The following NAV2 variants were observed in gnomAD, a reference collection of about 807,000 sequenced individuals.
The protein encoded by NAV2 is neuron navigator 2.
NAV2 carries 54 observed loss-of-function variants against 223.2 expected under a neutral mutation model. That is an observed-to-expected ratio of 0.24 (90% CI 0.19 to 0.30). The LOEUF (loss-of-function observed/expected upper bound fraction) is 0.30, where lower values mean the gene tolerates loss of function less well. Among genes scored for constraint, NAV2 ranks in the 10% least tolerant of loss-of-function variants. The pLI, the probability that NAV2 is intolerant of heterozygous loss-of-function variation, is 1.00. For synonymous variants in NAV2, 1,279 were observed against 1,239.3 expected (o/e 1.03, Z -0.67); for missense variants, 2,806 against 3,147.5 (o/e 0.89, Z 2.60).
intron 11 of NAV2, among the ~76,000 whole-genome samples, chr11:20,003,751 G>A (rs1355111588): frequency 6.6e-6 from 1 of 152,182 alleles, no homozygotes; most frequent in African/African-American, 2.4e-5. Flanking sequence ...GCCAGACCAG[G>A]GCTGTGGGCA....
chr11:19,619,495 T>C (rs986302745), intron 1 of NAV2, among the ~76,000 whole-genome samples: 1 of 152,220 alleles, frequency 6.6e-6, no homozygotes, highest in Non-Finnish European at 1.5e-5. Context: ...TTGATTTGCA[T>C]TTCTCTGATG....
intron 1 of NAV2, among the ~76,000 whole-genome samples, chr11:19,372,593 C>CT (rs1167058709): frequency 6.6e-5 from 10 of 152,156 alleles, no homozygotes; most frequent in African/African-American, 1.7e-4. Flanking sequence ...AGTGGGGTCT[C>CT]TAACACTGAG....
chr11:19,496,685 G>C (rs1310581212), intron 1 of NAV2, among the ~76,000 whole-genome samples: 2 of 152,162 alleles, frequency 1.3e-5, no homozygotes, highest in South Asian at 4.1e-4. Flanking sequence ...CTACACAAGG[G>C]CCTGAATGTT....
chr11:19,535,080 A>AT (rs141516208), intron 1 of NAV2, among the ~76,000 whole-genome samples: 1 of 152,034 alleles, frequency 6.6e-6, no homozygotes, highest in Non-Finnish European at 1.5e-5. Context: ...GCCAGTAGAG[A>AT]TTTTCCAAGC....
At position 20,068,192 on chromosome 11, in the gene NAV2, G is replaced by C; in HGVS notation, c.4891G>C (p.Glu1631Gln). 6.2e-7 allele frequency: 1 copy of C among 1,614,004 alleles called. No individual in the cohort carries two copies. Among genetic ancestry groups the C allele is most frequent in the Non-Finnish European group, 8.5e-7 (1 of 1,179,902 alleles). Residue 1631 changes from glutamate to glutamine, a missense_variant, in exon 21 of 38, where the codon GAA (glutamate) becomes CAA (glutamine). Physicochemically the swap from Glu to Gln is conservative, Grantham distance 29 (BLOSUM62 2). This residue lies in a region of NAV2 where 824 missense variants were observed against 1,069.4 expected (regional missense o/e 0.77). Transcript: ENST00000349880. ...STSSVYSTPE[E>Q]KCQSEIRKLR... ...CTTTATGTTTTCTTTACAGCCAGAA[G>C]AAAAATGCCAGTCAGAGGTAAGGAA...
At chr11:19,630,953 AAAAG>A (rs1004728881) in intron 1 of NAV2, among the ~76,000 whole-genome samples, 8 of 151,562 alleles carry the variant, frequency 5.3e-5, no homozygotes, top group Non-Finnish European at 8.8e-5. Context: ...AAAGAAAAAA[AAAAG>A]AAAGAGAAGG....
At chr11:19,938,847 T>A (rs1028077771) in intron 7 of NAV2, among the ~76,000 whole-genome samples, 1 of 152,220 alleles carries the variant, frequency 6.6e-6, no homozygotes, top group African/African-American at 2.4e-5. Flanking sequence ...TCCCCCGTGG[T>A]CCATTCTCAT....
intron 20 of NAV2, among the ~76,000 whole-genome samples, chr11:20,066,249 C>T (rs1240464619): frequency 6.6e-6 from 1 of 152,124 alleles, no homozygotes; most frequent in African/African-American, 2.4e-5. Context: ...AAAAATAGTG[C>T]CTGGCACACA....
chr11:19,513,032 G>T (rs1470304414), intron 1 of NAV2, among the ~76,000 whole-genome samples: 1 of 152,174 alleles, frequency 6.6e-6, no homozygotes. Flanking sequence ...CCCAGGCTGG[G>T]GCAGGGGCGG....
chr11:19,401,239 G>A (rs1849672304), intron 1 of NAV2, among the ~76,000 whole-genome samples: 1 of 152,116 alleles, frequency 6.6e-6, no homozygotes, highest in South Asian at 2.1e-4. Flanking sequence ...AGTGACTTAA[G>A]ACAAAAGCAT....
intron 1 of NAV2, among the ~76,000 whole-genome samples, chr11:19,474,489 T>A (rs1056959965): frequency 5.9e-5 from 9 of 152,178 alleles, no homozygotes; most frequent in Non-Finnish European, 1.3e-4. Flanking sequence ...AATGTATGGT[T>A]TATAAACAGG....
In NAV2 at chr11:19,635,074, G is replaced by C. The variant is rs1476855233; in HGVS notation, c.76-197410G>C. 2.0e-5 allele frequency among the ~76,000 whole-genome samples: 3 copies of C among 152,188 alleles called. No homozygotes were observed. In the East Asian group the frequency reaches 5.8e-4, roughly 29 times the overall value. Reference sequence around the variant, plus strand: ...GCTGGTGTTCCTGATTTCATTGTGTGACTCTGCCATCGTTTGGCTCCTTAG... The same window carrying C: ...GCTGGTGTTCCTGATTTCATTGTGTCACTCTGCCATCGTTTGGCTCCTTAG... On this transcript the variant is annotated intron_variant, in intron 1 of 37. Transcript: ENST00000360655.
At chr11:20,035,727 A>G (rs1564891975) in intron 11 of NAV2, among the ~76,000 whole-genome samples, 4 of 152,210 alleles carry the variant, frequency 2.6e-5, no homozygotes. Context: ...CACCCCTGCT[A>G]TGGAAGCACT....
chr11:19,527,186 C>T (rs760555390), intron 1 of NAV2, among the ~76,000 whole-genome samples: 2 of 152,002 alleles, frequency 1.3e-5, no homozygotes, highest in Non-Finnish European at 2.9e-5. Context: ...GGCAGTTTCC[C>T]CCATACTGTT....
At chr11:19,382,762 C>T (rs540355904) in intron 1 of NAV2, among the ~76,000 whole-genome samples, 44 of 152,254 alleles carry the variant, frequency 2.9e-4, no homozygotes, top group Admixed American at 2.8e-3. Context: ...TCCATTATTC[C>T]ACCCATTTTA....
chr11:19,473,392 T>A (rs1336581201), intron 1 of NAV2, among the ~76,000 whole-genome samples: 1 of 152,038 alleles, frequency 6.6e-6, no homozygotes, highest in African/African-American at 2.4e-5. Flanking sequence ...ATTATTAAAT[T>A]TATTTAAAAG....
intron 1 of NAV2, among the ~76,000 whole-genome samples, chr11:19,591,860 T>C (rs1312871589): frequency 6.6e-6 from 1 of 152,244 alleles, no homozygotes; most frequent in Non-Finnish European, 1.5e-5. Flanking sequence ...TTTCAGCATA[T>C]ACAGATGGCT....
intron 1 of NAV2, among the ~76,000 whole-genome samples, chr11:19,726,176 CA>C (rs1339904584): frequency 1.3e-5 from 2 of 152,224 alleles, no homozygotes; most frequent in Admixed American, 6.5e-5. Flanking sequence ...TCTTCCTTAA[CA>C]GGCTAGATTA....
Position 19,860,530 on chromosome 11 carries a change from G to A in NAV2, c.439-8395G>A, listed in dbSNP as rs1171977500. Among the ~76,000 whole-genome samples the A allele has an allele frequency of 6.0e-3, 901 of 149,984 alleles. 4 individuals carry two copies. Among genetic ancestry groups the A allele is most frequent in the African/African-American group, 0.021 (866 of 40,630 alleles). On this transcript the variant is annotated intron_variant, in intron 3 of 37. Transcript: ENST00000349880. ...GATGGGATGGCGGCTGGGCAGAGAC[G>A]CTCCTCACTTTCCAGACTGGGCAGC...
Sources: gnomAD v4.1 joint callset for allele counts (sites outside exome capture counted in the v4.1 genomes callset) on GRCh38, gnomAD v4.1.1 for gene constraint, gnomAD v4.1.1 regional missense constraint, MANE v1.5 for transcripts, NCBI Gene and HGNC (gene_info 2026-07-23, HGNC 2026-07-21) for gene names.